SBNO2: variants seen among roughly 807,000 people sequenced by gnomAD.
SBNO2 encodes the protein strawberry notch homolog 2.
A neutral mutation model predicts 146.3 loss-of-function variants in SBNO2; 89 were observed. The ratio of observed to expected loss-of-function variants is 0.61; its 90% CI spans 0.51 to 0.73. The LOEUF (loss-of-function observed/expected upper bound fraction) is 0.73. Ranked by LOEUF, SBNO2 falls within the 30% of genes least tolerant of loss-of-function variation. The pLI is 0.00. For missense variants in SBNO2, 2,092 were observed against 2,003.7 expected (o/e 1.04, Z -0.84); for synonymous variants, 1,147 against 892.6 (o/e 1.29, Z -5.08).
intron 1 of SBNO2, among the ~76,000 whole-genome samples, chr19:1,162,385 G>C (rs1324497575): frequency 6.7e-6 from 1 of 150,222 alleles, no homozygotes; most frequent in East Asian, 2.0e-4. Context: ...GCGTGAACCC[G>C]GGAGGCGGCG....
At chr19:1,116,396 G>A (rs921624582) in intron 16 of SBNO2, among the ~76,000 whole-genome samples, 5 of 151,622 alleles carry the variant, frequency 3.3e-5, no homozygotes, top group Non-Finnish European at 5.9e-5. Context: ...AGGGTGAAGG[G>A]GTAGCTGGGG....
In SBNO2 at chr19:1,111,862, AC is replaced by A. The variant is rs1404745026; in HGVS notation, c.2700+133del. On this transcript the variant is annotated intron_variant, in intron 23 of 31. Coordinates refer to ENST00000361757, the MANE Select transcript of SBNO2 (RefSeq NM_014963.3). The stretch of plus-strand genomic sequence containing the variant: ...CCCCCTTCCCCCCTGGGGGTCCTAG[AC>A]CCGGCCCTCCTCCAGACCACTGAGC... 6.6e-6 allele frequency: 6 copies of A among 902,524 alleles called. No homozygotes were observed. The African/African-American group carries it at 1.0e-4, about 15-fold the overall frequency. The allele number at this position is 902,524 out of a possible 1,614,324, so 55.9% of individuals were successfully genotyped here.
chr19:1,133,932 C>G (rs948710756), intron 4 of SBNO2, among the ~76,000 whole-genome samples: 30 of 152,252 alleles, frequency 2.0e-4, no homozygotes. Flanking sequence ...GGAGTAACAA[C>G]CCAGCAGCTG....
rs1446059391 is a variant in SBNO2, at chr19:1,108,885, C to T, written c.3510G>A (p.Ala1170=). The T allele has an allele frequency of 1.9e-6, 3 of 1,589,226 alleles. No homozygotes were observed. The highest frequency in any genetic ancestry group is 1.1e-5 in the South Asian group (1 of 89,552). ...CGATGCGGCCCCACACGCGCAGCAG[C>T]GCGCCGCACAGCATGTAGTGGTGCC... ...RLRHHYMLCG[A]LLRVWGRIAA... is the part of the protein sequence containing the mutation. The change falls in exon 31 of 32, where the codon GCG becomes GCA. Residue 1170 remains alanine, a synonymous_variant. Transcript: ENST00000361757.
intron 1 of SBNO2, among the ~76,000 whole-genome samples, chr19:1,162,472 AG>A (rs1468930644): frequency 6.6e-6 from 1 of 150,482 alleles, no homozygotes; most frequent in African/African-American, 2.4e-5. Context: ...AAAAAAAAAA[AG>A]AAACGCTGTT....
rs376583270 is a variant in SBNO2, at chr19:1,135,580, C to T, written c.280-7815G>A. On this transcript the variant is annotated intron_variant, in intron 4 of 31. Coordinates refer to ENST00000361757, the MANE Select transcript of SBNO2 (RefSeq NM_014963.3). Reference sequence around the variant, plus strand: ...TACCCCACCCACCTCCGGCGCCCCGCGCCCAGTCCTGGGCTCCCGTGGCCC... The same window carrying T: ...TACCCCACCCACCTCCGGCGCCCCGTGCCCAGTCCTGGGCTCCCGTGGCCC... Among the ~76,000 whole-genome samples the T allele has an allele frequency of 4.6e-5, 7 of 152,344 alleles. No homozygotes were observed. In the South Asian group the frequency reaches 1.0e-3, roughly 23 times the overall value.
At chr19:1,119,873 C>T (rs764203034) in intron 12 of SBNO2, 33 bp downstream of exon 12, 9 of 1,468,290 alleles carry the variant, frequency 6.1e-6, no homozygotes, top group East Asian at 2.5e-5. Context: ...GACGCTGCTG[C>T]GGGTGGGTCA....
intron 13 of SBNO2, 103 bp from the exon 14 acceptor site, chr19:1,119,267 G>T: frequency 7.3e-7 from 1 of 1,373,112 alleles, no homozygotes; most frequent in South Asian, 1.3e-5. Flanking sequence ...GGGTCGGCAG[G>T]AGCAGAGCCC....
intron 1 of SBNO2, among the ~76,000 whole-genome samples, chr19:1,164,071 C>T (rs945664829): frequency 6.6e-6 from 1 of 152,222 alleles, no homozygotes; most frequent in Non-Finnish European, 1.5e-5. Flanking sequence ...AACTCAGGCC[C>T]GCGGCCATCA....
chr19:1,109,640 C>A lies in SBNO2; in HGVS notation c.3124-42G>T, dbSNP rs765239064. On this transcript the variant is annotated intron_variant, in intron 27 of 31. Coordinates refer to ENST00000361757, the MANE Select transcript of SBNO2 (RefSeq NM_014963.3). The surrounding 1 kb of genome is among the most constrained non-coding windows in gnomAD (Gnocchi z 4.2). ...TGGGGGGGTGTGAGTGTGGTGGGGG[C>A]GGGGTGGGCAGAGTGTGAGGGGCTG... 3.5e-6 allele frequency: 3 copies of A among 857,268 alleles called. No homozygotes were observed. In the East Asian group the frequency reaches 8.6e-5, roughly 25 times the overall value. 53.1% of individuals were successfully genotyped at this position (857,268 alleles called of 1,614,324 possible).
In SBNO2 at chr19:1,149,394, AT is replaced by A. The variant is rs2080222103; in HGVS notation, c.141del (p.Tyr48ThrfsTer12). 1 of 1,552,408 alleles carries A rather than the reference AT, an allele frequency of 6.4e-7. No individual in the cohort carries two copies. Among genetic ancestry groups the A allele is most frequent in the African/African-American group, 1.4e-5 (1 of 73,156 alleles). ...CPYWNTFSLPPYPAFSSDSRP... is the reference protein window; with the variant it reads ...CPYWNTFSLPXYPAFSSDSRP... ...CGGCTGTCGCTGGAGAAGGCAGGGT[AT>A]GGCGGCAGCGAGAAGGTGTTCCAGT... On this transcript the variant is annotated frameshift_variant, in exon 3 of 32. Coordinates refer to ENST00000361757, the MANE Select transcript of SBNO2 (RefSeq NM_014963.3). LOFTEE classifies it high-confidence loss of function.
Position 1,122,148 on chromosome 19 carries a change from G to A in SBNO2, c.1140C>T (p.Phe380=), listed in dbSNP as rs2072280. 666,367 of 1,424,870 alleles carry A rather than the reference G, an allele frequency of 0.47. 157,338 individuals carry two copies. The highest frequency in any genetic ancestry group is 0.55 in the Admixed American group (19,055 of 34,336). The allele number at this position is 1,424,870 out of a possible 1,614,324, so 88.3% of individuals were successfully genotyped here. A position where few individuals can be genotyped will look rare whatever the true frequency, so the allele number is the denominator to read the frequency against. The part of the protein sequence containing the change: ...RQILDWCGEA[F]EGVIVFDECH... ...GCCCCCAGCAGGATACGACGCCCTC[G>A]AAGGCCTCCCCACACCAGTCCAGGA... The change falls in exon 11 of 32, where the codon TTC becomes TTT. Residue 380 remains phenylalanine, a synonymous_variant. Transcript: ENST00000361757.
chr19:1,126,869 A>G lies in SBNO2; in HGVS notation c.441+735T>C, dbSNP rs1478399466. The stretch of plus-strand genomic sequence containing the variant: ...CTCCCAGCCATGCCTCCCTCACCAG[A>G]CACCTCCACTGAGTCGCACTGGGGC... On this transcript the variant is annotated intron_variant, in intron 5 of 31. Transcript: ENST00000361757. The surrounding 1 kb of genome is among the most constrained non-coding windows in gnomAD (Gnocchi z 4.4). Among the ~76,000 whole-genome samples, 1 of 152,142 alleles carries G rather than the reference A, an allele frequency of 6.6e-6. No homozygotes were observed. The highest frequency in any genetic ancestry group is 2.4e-5 in the African/African-American group (1 of 41,430).
Position 1,144,500 on chromosome 19 carries a change from A to G in SBNO2, c.279+2809T>C, listed in dbSNP as rs112776120. On this transcript the variant is annotated intron_variant, in intron 4 of 31. Coordinates refer to ENST00000361757, the MANE Select transcript of SBNO2 (RefSeq NM_014963.3). This position sits in a 1 kb window ranked among gnomAD's most constrained non-coding sequence, Gnocchi z 4.1. Reference sequence around the variant, plus strand: ...AGCAGCAATTGTTCAGGAGGGGAGGAGCAGGAGAATTCATGAGACAGAGAT... The same window carrying G: ...AGCAGCAATTGTTCAGGAGGGGAGGGGCAGGAGAATTCATGAGACAGAGAT... Among the ~76,000 whole-genome samples, 4 of 152,166 alleles carry G rather than the reference A, an allele frequency of 2.6e-5. No homozygotes were observed. The highest frequency in any genetic ancestry group is 1.9e-4 in the East Asian group (1 of 5,198).
At position 1,116,889 on chromosome 19, in the gene SBNO2, C is replaced by T. The variant is rs376311799; in HGVS notation, c.1742G>A (p.Arg581His). ...VIGLQSTGEARTREVLGENDG... is the reference protein window; with the variant it reads ...VIGLQSTGEAHTREVLGENDG... Reference sequence around the variant, plus strand: ...GTTCTCCCCCAGCACCTCCCGCGTGCGCGCCTCGCCCGTGGACTGCAGCCC... The same window carrying T: ...GTTCTCCCCCAGCACCTCCCGCGTGTGCGCCTCGCCCGTGGACTGCAGCCC... Residue 581 changes from arginine (R) to histidine (H), a missense_variant, in exon 16 of 32, where the codon CGC (arginine) becomes CAC (histidine). Transcript: ENST00000361757. 79 of 1,575,726 alleles carry T rather than the reference C, an allele frequency of 5.0e-5. No homozygotes were observed. Among genetic ancestry groups the T allele is most frequent in the Middle Eastern group, 1.7e-4 (1 of 6,044 alleles).
chr19:1,174,241 C>A lies in SBNO2; in HGVS notation c.-196G>T, dbSNP rs1216579574. On this transcript the variant is annotated 5_prime_UTR_variant, in exon 1 of 32. Coordinates refer to ENST00000361757, the MANE Select transcript of SBNO2 (RefSeq NM_014963.3). ...TCTCCGAGCCTCGCAGCTGCCGCCG[C>A]TCACTTCCGGGTTTCGGGCGCCATC... 4 of 151,848 alleles carry A rather than the reference C, an allele frequency of 2.6e-5. No individual in the cohort carries two copies. The highest frequency in any genetic ancestry group is 5.9e-5 in the Non-Finnish European group (4 of 67,906). The allele number at this position is 151,848 out of a possible 1,614,324, so 9.4% of individuals were successfully genotyped here.
chr19:1,155,369 T>C lies in SBNO2; in HGVS notation c.-126-967A>G, dbSNP rs1021883484. On this transcript the variant is annotated intron_variant, in intron 1 of 31. Coordinates refer to ENST00000361757, the MANE Select transcript of SBNO2 (RefSeq NM_014963.3). ...CGGGACTCCTGTCCCAGAGACCAGA[T>C]GGAGGTGGTCAGGCACAGTGGGGGT... Among the ~76,000 whole-genome samples the C allele has an allele frequency of 9.2e-5, 14 of 152,252 alleles. No individual in the cohort carries two copies. The East Asian group carries it at 2.7e-3, about 29-fold the overall frequency.
intron 13 of SBNO2, 113 bp from the exon 14 acceptor site, chr19:1,119,277 C>T (rs1195432134): frequency 3.1e-6 from 4 of 1,296,690 alleles, no homozygotes; most frequent in Non-Finnish European, 4.2e-6. Context: ...GAGCAGAGCC[C>T]TGGCGGCCAC....
chr19:1,136,725 G>A lies in SBNO2; in HGVS notation c.280-8960C>T, dbSNP rs148395961. ...TGGTGCCGGATGGGCCGAGGCATCT[G>A]ACCCCTGCTGAAACGCATCTGCAGA... On this transcript the variant is annotated intron_variant, in intron 4 of 31. Coordinates refer to ENST00000361757, the MANE Select transcript of SBNO2 (RefSeq NM_014963.3). The surrounding 1 kb of genome is among the most constrained non-coding windows in gnomAD (Gnocchi z 4.2). Among the ~76,000 whole-genome samples the A allele has an allele frequency of 1.3e-5, 2 of 152,324 alleles. No homozygotes were observed. Among genetic ancestry groups the A allele is most frequent in the East Asian group, 3.9e-4 (2 of 5,184 alleles).
Sources: allele counts gnomAD v4.1 joint callset (sites outside exome capture counted in the v4.1 genomes callset), GRCh38; gene constraint gnomAD v4.1.1; non-coding constraint Gnocchi (gnomAD v3.1); transcripts MANE v1.5; gene names NCBI Gene and HGNC (gene_info 2026-07-23, HGNC 2026-07-21).